NUBPL: variants seen among roughly 807,000 people sequenced by gnomAD.
NUBPL encodes the protein iron-sulfur cluster transfer protein NUBPL.
Under a neutral mutation model 45.7 loss-of-function variants are expected in NUBPL, and 31 were observed. The ratio of observed to expected loss-of-function variants is 0.68; its 90% CI spans 0.51 to 0.92. The LOEUF is 0.92. Among genes scored for constraint, NUBPL ranks in the 40% least tolerant of loss-of-function variants. The pLI is 0.00. For missense variants in NUBPL, 401 were observed against 398.7 expected (o/e 1.01, Z -0.05); for synonymous variants, 144 against 140.9 (o/e 1.02, Z -0.15).
At chr14:31,744,805 A>G (rs890931283) in intron 6 of NUBPL, among the ~76,000 whole-genome samples, 8 of 151,694 alleles carry the variant, frequency 5.3e-5, no homozygotes, top group Admixed American at 4.6e-4. Flanking sequence ...TATTTTTAGT[A>G]GAGACAGGGT....
At chr14:31,619,707 G>T (rs1453242632) in intron 4 of NUBPL, among the ~76,000 whole-genome samples, 1 of 152,154 alleles carries the variant, frequency 6.6e-6, no homozygotes, top group Non-Finnish European at 1.5e-5. Context: ...CTCTCTGGCT[G>T]CCCTTAGCAT....
rs1320798522 is a variant in NUBPL, at chr14:31,650,350, C to T, written c.383-23005C>T. Among the ~76,000 whole-genome samples, 17 of 144,062 alleles carry T rather than the reference C, an allele frequency of 1.2e-4. No individual in the cohort carries two copies. In the East Asian group the frequency reaches 1.6e-3, roughly 14 times the overall value. 94.5% of individuals were successfully genotyped at this position (144,062 alleles called of 152,430 possible). On this transcript the variant is annotated intron_variant, in intron 4 of 10. Coordinates refer to ENST00000281081, the MANE Select transcript of NUBPL (RefSeq NM_025152.3). ...TGTCACCCAGGCTGCAGTGCAGTGGCACAGTCTCAGCTCACTGCAAGCTCC... is the reference window on the plus strand; with the variant it reads ...TGTCACCCAGGCTGCAGTGCAGTGGTACAGTCTCAGCTCACTGCAAGCTCC...
At chr14:31,592,668 A>G (rs560544697) in intron 3 of NUBPL, among the ~76,000 whole-genome samples, 4 of 152,170 alleles carry the variant, frequency 2.6e-5, no homozygotes, top group South Asian at 4.1e-4. Context: ...ATTACTGTAG[A>G]TTATTATTAT....
intron 4 of NUBPL, among the ~76,000 whole-genome samples, chr14:31,639,614 A>G (rs1048826352): frequency 6.6e-6 from 1 of 152,186 alleles, no homozygotes; most frequent in African/African-American, 2.4e-5. Context: ...CTCTTCAAAG[A>G]TATCAGACAG....
chr14:31,765,390 C>T (rs540247694), intron 6 of NUBPL, among the ~76,000 whole-genome samples: 47 of 152,246 alleles, frequency 3.1e-4, no homozygotes, highest in African/African-American at 1.0e-3. Flanking sequence ...CTTAGCATTT[C>T]GTTCTAAGTG....
At chr14:31,771,533 G>A (rs781574673) in intron 6 of NUBPL, among the ~76,000 whole-genome samples, 6 of 152,270 alleles carry the variant, frequency 3.9e-5, no homozygotes, top group East Asian at 1.9e-4. Flanking sequence ...CAGTGATGCT[G>A]TGCTGCATTC....
At chr14:31,791,904 G>A (rs954374524) in intron 7 of NUBPL, among the ~76,000 whole-genome samples, 6 of 152,102 alleles carry the variant, frequency 3.9e-5, no homozygotes, top group Non-Finnish European at 7.4e-5. Flanking sequence ...AAATGGTACC[G>A]CGGCGATTGC....
intron 7 of NUBPL, among the ~76,000 whole-genome samples, chr14:31,810,988 CT>C (rs2039793214): frequency 6.6e-6 from 1 of 152,214 alleles, no homozygotes; most frequent in Admixed American, 6.5e-5. Flanking sequence ...GAGAGATCCA[CT>C]GTTAGTCTGA....
chr14:31,661,627 T>C (rs1411321008), intron 4 of NUBPL, among the ~76,000 whole-genome samples: 2 of 152,182 alleles, frequency 1.3e-5, no homozygotes, highest in East Asian at 3.9e-4. Context: ...CGGCAACCTC[T>C]GCCTCCTGGG....
chr14:31,731,708 A>G (rs531239834), intron 6 of NUBPL, among the ~76,000 whole-genome samples: 5 of 152,338 alleles, frequency 3.3e-5, no homozygotes, highest in East Asian at 1.9e-4. Context: ...CTGAAAGCCT[A>G]GACTCAAATA....
chr14:31,705,302 A>G (rs1230591620), intron 6 of NUBPL, among the ~76,000 whole-genome samples: 5 of 152,200 alleles, frequency 3.3e-5, no homozygotes, highest in African/African-American at 1.2e-4. Flanking sequence ...AGCAAGATTT[A>G]TTGTGAAGAG....
intron 6 of NUBPL, among the ~76,000 whole-genome samples, chr14:31,741,203 A>G (rs1441488230): frequency 1.3e-5 from 2 of 152,164 alleles, no homozygotes; most frequent in Non-Finnish European, 2.9e-5. Flanking sequence ...TATGGGTAAA[A>G]GGAATTGCTT....
intron 6 of NUBPL, among the ~76,000 whole-genome samples, chr14:31,712,358 C>T (rs977778922): frequency 1.2e-4 from 18 of 152,242 alleles, no homozygotes; most frequent in African/African-American, 2.9e-4. Flanking sequence ...CACCTAGCCC[C>T]GGCACTCTGG....
At chr14:31,722,729 A>T (rs1012709236) in intron 6 of NUBPL, among the ~76,000 whole-genome samples, 1 of 152,070 alleles carries the variant, frequency 6.6e-6, no homozygotes, top group African/African-American at 2.4e-5. Flanking sequence ...GGCTGCACAT[A>T]TGTCTTCTTT....
At chr14:31,681,023 C>T (rs1210032462) in intron 6 of NUBPL, among the ~76,000 whole-genome samples, 2 of 151,912 alleles carry the variant, frequency 1.3e-5, no homozygotes, top group Non-Finnish European at 2.9e-5. Context: ...ATTTATTTTT[C>T]TTGTAATATT....
intron 7 of NUBPL, among the ~76,000 whole-genome samples, chr14:31,809,810 C>T (rs1470343930): frequency 2.6e-5 from 4 of 151,728 alleles, no homozygotes; most frequent in Admixed American, 6.6e-5. Context: ...GATTCTGGTA[C>T]GTTATGTCTT....
chr14:31,716,456 T>C lies in NUBPL; in HGVS notation c.513+42882T>C, dbSNP rs920953658. 2.0e-5 allele frequency among the ~76,000 whole-genome samples: 3 copies of C among 152,218 alleles called. No individual in the cohort carries two copies. The South Asian group carries it at 6.2e-4, about 32-fold the overall frequency. On this transcript the variant is annotated intron_variant, in intron 6 of 10. Transcript: ENST00000281081. ...TTATGAGTAATTTGTTGTGCTATGATGTTAAGACAGTTATGACTTTACAAC... is the reference window on the plus strand; with the variant it reads ...TTATGAGTAATTTGTTGTGCTATGACGTTAAGACAGTTATGACTTTACAAC...
chr14:31,754,486 C>T (rs1191015562), intron 6 of NUBPL, among the ~76,000 whole-genome samples: 1 of 150,896 alleles, frequency 6.6e-6, no homozygotes, highest in Non-Finnish European at 1.5e-5. Flanking sequence ...GTAGGAGAAA[C>T]AACCCAGTTT....
At chr14:31,696,967 G>T (rs1002163863) in intron 6 of NUBPL, among the ~76,000 whole-genome samples, 3 of 152,200 alleles carry the variant, frequency 2.0e-5, no homozygotes, top group South Asian at 4.1e-4. Flanking sequence ...GAAGTAACAA[G>T]AAAGAGAAAG....
Sources: gnomAD v4.1 joint callset for allele counts (sites outside exome capture counted in the v4.1 genomes callset) on GRCh38, gnomAD v4.1.1 for gene constraint, MANE v1.5 for transcripts, NCBI Gene and HGNC (gene_info 2026-07-23, HGNC 2026-07-21) for gene names.